The following CRISPLD1 variants were observed in gnomAD, a reference collection of about 807,000 sequenced individuals.
CRISPLD1 encodes the protein cysteine-rich secretory protein LCCL domain-containing 1.
Under a neutral mutation model 77.5 loss-of-function variants are expected in CRISPLD1, and 60 were observed. The observed-to-expected ratio is 0.77, with a 90% CI of 0.63 to 0.96. The LOEUF is 0.96. CRISPLD1 is among the 40% of genes least tolerant of loss of function. The pLI, the probability that CRISPLD1 is intolerant of heterozygous loss-of-function variation, is 0.00. For missense variants in CRISPLD1, 623 were observed against 615.8 expected, an observed-to-expected ratio of 1.01 and a Z score of -0.12; for synonymous variants, 195 against 200.1, an observed-to-expected ratio of 0.97 and a Z score of 0.22.
In CRISPLD1 at chr8:75,016,473, G is replaced by A. The variant is rs1813028926; in HGVS notation, c.728-92G>A. 7.2e-6 allele frequency: 9 copies of A among 1,250,616 alleles called. No individual in the cohort carries two copies. In the South Asian group the frequency reaches 1.4e-4, roughly 20 times the overall value. The allele number at this position is 1,250,616 out of a possible 1,614,324, so 77.5% of individuals were successfully genotyped here. A position where few individuals can be genotyped will look rare whatever the true frequency, so the allele number is the denominator to read the frequency against. ...AGTACTGATTTTTCTAGTTCTAAATGTTAAATAGGAGTATTAAAGTATATT... is the reference window on the plus strand; with the variant it reads ...AGTACTGATTTTTCTAGTTCTAAATATTAAATAGGAGTATTAAAGTATATT... On this transcript the variant is annotated intron_variant, in intron 6 of 14. Transcript: ENST00000262207.
chr8:75,001,861 C>T (rs989656019), intron 2 of CRISPLD1, among the ~76,000 whole-genome samples: 4 of 152,060 alleles, frequency 2.6e-5, no homozygotes, highest in African/African-American at 4.8e-5. Flanking sequence ...TATGATGAAA[C>T]GTTTTATTTG....
intron 2 of CRISPLD1, among the ~76,000 whole-genome samples, chr8:74,994,064 C>T (rs1231604497): frequency 6.6e-6 from 1 of 152,164 alleles, no homozygotes. Flanking sequence ...CATGATCTTA[C>T]TTACAATTAC....
intron 2 of CRISPLD1, chr8:75,000,295 GATAA>G (rs1812718185): frequency 1.0e-6 from 1 of 985,182 alleles, no homozygotes; most frequent in South Asian, 4.7e-5. Flanking sequence ...AAAATCAAAT[GATAA>G]AAGTGTTGAG....
intron 13 of CRISPLD1, chr8:75,026,887 T>A (rs1813244680): frequency 1.3e-5 from 2 of 152,194 alleles, no homozygotes; most frequent in Admixed American, 6.6e-5. Flanking sequence ...AAAGTCCTGC[T>A]GGTATCTTGA....
intron 2 of CRISPLD1, among the ~76,000 whole-genome samples, chr8:74,987,914 A>T (rs1201659924): frequency 6.6e-6 from 1 of 152,212 alleles, no homozygotes; most frequent in African/African-American, 2.4e-5. Context: ...CTTCCAAAAA[A>T]AATAATAATA....
intron 12 of CRISPLD1, among the ~76,000 whole-genome samples, chr8:75,020,324 A>T (rs776852523): frequency 3.3e-5 from 5 of 152,236 alleles, no homozygotes; most frequent in African/African-American, 4.8e-5. Flanking sequence ...CTGTGATACA[A>T]AGAGTGCCTT....
chr8:75,005,746 T>C (rs557790369), intron 2 of CRISPLD1, among the ~76,000 whole-genome samples: 5 of 152,284 alleles, frequency 3.3e-5, no homozygotes, highest in African/African-American at 4.8e-5. Flanking sequence ...TCAAAACTTA[T>C]TGCAAATGCT....
Position 75,014,931 on chromosome 8 carries a change from T to C in CRISPLD1, c.727+19T>C. On this transcript the variant is annotated intron_variant, in intron 6 of 14. Coordinates refer to ENST00000262207, the MANE Select transcript of CRISPLD1 (RefSeq NM_031461.6). ...TACAAAGGTAAGTGCTATTGTGTTG[T>C]GGTATTCATGTTGATTTATATTTTA... is the stretch of plus-strand genomic sequence containing the variant. 6.8e-7 allele frequency: 1 copy of C among 1,479,626 alleles called. No homozygotes were observed. The highest frequency in any genetic ancestry group is 9.1e-7 in the Non-Finnish European group (1 of 1,100,808). 91.7% of individuals were successfully genotyped at this position (1,479,626 alleles called of 1,614,324 possible).
chr8:75,029,348 A>G (rs1213674461), intron 13 of CRISPLD1, 39 bp from the exon 14 acceptor site: 1 of 1,595,162 alleles, frequency 6.3e-7, no homozygotes, highest in South Asian at 1.1e-5. Context: ...GTCCAGCAGG[A>G]ATTTCCAATA....
chr8:74,995,987 A>G (rs1470666617), intron 2 of CRISPLD1, among the ~76,000 whole-genome samples: 1 of 151,048 alleles, frequency 6.6e-6, no homozygotes, highest in Non-Finnish European at 1.5e-5. Context: ...AATGATTTTT[A>G]CTAACTCGAA....
chr8:74,987,663 G>A (rs919847556), intron 2 of CRISPLD1, among the ~76,000 whole-genome samples: 43 of 152,176 alleles, frequency 2.8e-4, no homozygotes, highest in African/African-American at 1.0e-3. Context: ...TTTGTCTAAA[G>A]TGAAAAATTC....
intron 2 of CRISPLD1, among the ~76,000 whole-genome samples, chr8:74,993,380 A>G (rs1040610590): frequency 6.6e-6 from 1 of 152,190 alleles, no homozygotes; most frequent in Admixed American, 6.5e-5. Flanking sequence ...TTCTGTTTAA[A>G]GAATATCATT....
intron 2 of CRISPLD1, among the ~76,000 whole-genome samples, chr8:74,994,902 T>C (rs1406642972): frequency 6.6e-6 from 1 of 152,162 alleles, no homozygotes; most frequent in African/African-American, 2.4e-5. Context: ...AGAATATGGA[T>C]AGACCAGCTT....
intron 2 of CRISPLD1, among the ~76,000 whole-genome samples, chr8:74,995,435 A>T (rs1052322609): frequency 3.9e-5 from 6 of 152,196 alleles, no homozygotes; most frequent in Admixed American, 2.6e-4. Flanking sequence ...TTAATTCATT[A>T]CTTATTTATC....
intron 2 of CRISPLD1, among the ~76,000 whole-genome samples, chr8:75,008,233 G>A (rs1352730757): frequency 6.6e-6 from 1 of 151,928 alleles, no homozygotes; most frequent in East Asian, 1.9e-4. Flanking sequence ...GTATAGAAAT[G>A]GGTACCCAAG....
intron 2 of CRISPLD1, among the ~76,000 whole-genome samples, chr8:75,003,795 T>A (rs2128783212): frequency 6.6e-6 from 1 of 152,282 alleles, no homozygotes; most frequent in Non-Finnish European, 1.5e-5. Context: ...GACACTGAGA[T>A]GAGATGAGCT....
chr8:75,013,885 C>T (rs1174609439), intron 4 of CRISPLD1, 102 bp from the exon 5 acceptor site: 5 of 741,592 alleles, frequency 6.7e-6, no homozygotes, highest in Non-Finnish European at 9.5e-6. Context: ...GAATGATAAA[C>T]GTTGGCTTCT....
intron 12 of CRISPLD1, 86 bp downstream of exon 12, chr8:75,020,165 T>C: frequency 9.1e-7 from 1 of 1,094,954 alleles, no homozygotes; most frequent in Non-Finnish European, 1.4e-6. Context: ...TCAAAAGTTG[T>C]ATAATCTTGA....
intron 2 of CRISPLD1, among the ~76,000 whole-genome samples, chr8:75,006,124 C>G (rs192275166): frequency 6.6e-6 from 1 of 152,124 alleles, no homozygotes. Context: ...CTCTGTATGT[C>G]CATGCATGTG....
Sources: allele counts gnomAD v4.1 joint callset (sites outside exome capture counted in the v4.1 genomes callset), GRCh38; gene constraint gnomAD v4.1.1; transcripts MANE v1.5; gene names NCBI Gene and HGNC (gene_info 2026-07-23, HGNC 2026-07-21).